The following INPP4B variants were observed in gnomAD, a reference collection of about 807,000 sequenced individuals.
INPP4B encodes the protein inositol polyphosphate 4-phosphatase type II.
In INPP4B, 55 loss-of-function variants were observed where a neutral mutation model predicts 122.5. The observed-to-expected ratio is 0.45, with a 90% CI of 0.36 to 0.56. The LOEUF is 0.56. Ranked by LOEUF, INPP4B falls within the 20% of genes least tolerant of loss-of-function variation. The pLI is 0.00. For synonymous variants in INPP4B, 403 were observed against 388.7 expected (o/e 1.04, Z -0.43); for missense variants, 1,000 against 1,097.7 (o/e 0.91, Z 1.26).
intron 1 of INPP4B, among the ~76,000 whole-genome samples, chr4:142,819,435 A>G (rs191611208): frequency 2.6e-5 from 4 of 152,280 alleles, no homozygotes; most frequent in African/African-American, 9.6e-5. Flanking sequence ...GAAACTGAGC[A>G]CACAAAATGG....
chr4:142,338,037 T>C (rs1777442070), intron 7 of INPP4B, among the ~76,000 whole-genome samples: 1 of 152,074 alleles, frequency 6.6e-6, no homozygotes, highest in African/African-American at 2.4e-5. Context: ...CACTTACATA[T>C]CTGATTTCAA....
At chr4:142,554,200 A>G (rs200694375) in intron 2 of INPP4B, among the ~76,000 whole-genome samples, 7 of 137,916 alleles carry the variant, frequency 5.1e-5, no homozygotes, top group African/African-American at 8.2e-5. Context: ...AAAAAAAAAA[A>G]AAAAAGAAAA....
intron 7 of INPP4B, chr4:142,384,247 A>G (rs1795182599): frequency 1.6e-6 from 1 of 637,866 alleles, no homozygotes; most frequent in African/African-American, 1.8e-5. Context: ...TCAATTAGTT[A>G]GTAACAACTT....
At chr4:142,232,373 A>G (rs1579373900) in intron 12 of INPP4B, among the ~76,000 whole-genome samples, 1 of 152,220 alleles carries the variant, frequency 6.6e-6, no homozygotes, top group South Asian at 2.1e-4. Context: ...CACATTTTAG[A>G]ACTGTTGCAA....
rs1023756704 is a variant in INPP4B at position 142,256,539 on chromosome 4, C to T, written c.688+3953G>A. ...AAAGGGGATATCACCACCGATCCCA[C>T]AGAAATACAAACTACCATCAGAGAA... On this transcript the variant is annotated intron_variant, in intron 11 of 25. Coordinates refer to ENST00000262992, the MANE Select transcript of INPP4B (RefSeq NM_001101669.3). Among the ~76,000 whole-genome samples the T allele has an allele frequency of 1.1e-4, 17 of 152,262 alleles. No individual in the cohort carries two copies. The East Asian group carries it at 2.1e-3, about 19-fold the overall frequency.
chr4:142,374,149 C>T (rs188283865), intron 7 of INPP4B, among the ~76,000 whole-genome samples: 66 of 151,974 alleles, frequency 4.3e-4, no homozygotes, highest in African/African-American at 9.6e-5. Flanking sequence ...AACCACCCTA[C>T]GTAATACACA....
At chr4:142,624,548 G>A (rs139379912) in intron 2 of INPP4B, among the ~76,000 whole-genome samples, 67 of 152,046 alleles carry the variant, frequency 4.4e-4, no homozygotes, top group Admixed American at 1.4e-3. Flanking sequence ...TTCTATCAGA[G>A]GTACAAGAAG....
intron 2 of INPP4B, among the ~76,000 whole-genome samples, chr4:142,533,260 G>A (rs138343370): frequency 1.1e-4 from 16 of 152,124 alleles, no homozygotes; most frequent in African/African-American, 3.4e-4. Context: ...TGTAGCAATC[G>A]CAAAGCTCTA....
intron 2 of INPP4B, among the ~76,000 whole-genome samples, chr4:142,556,282 C>T (rs1729145772): frequency 6.6e-6 from 1 of 152,118 alleles, no homozygotes; most frequent in Non-Finnish European, 1.5e-5. Context: ...CACTGTGTTC[C>T]CACTGTCACC....
At chr4:142,749,134 G>T (rs1354471147) in intron 1 of INPP4B, among the ~76,000 whole-genome samples, 1 of 147,666 alleles carries the variant, frequency 6.8e-6, no homozygotes, top group Non-Finnish European at 1.5e-5. Flanking sequence ...ACAAGACTCT[G>T]TCTCAAATAT....
In INPP4B at chr4:142,225,211, G is replaced by A. The variant is rs1450189464; in HGVS notation, c.836+12653C>T. On this transcript the variant is annotated intron_variant, in intron 12 of 25. Coordinates refer to ENST00000262992, the MANE Select transcript of INPP4B (RefSeq NM_001101669.3). ...CCTTCATCTTTCTTCCATGCTGGAT[G>A]TTTCCTGCTCTCGAACATCAGACTT... Among the ~76,000 whole-genome samples, 4 of 152,280 alleles carry A rather than the reference G, an allele frequency of 2.6e-5. No individual in the cohort carries two copies. In the East Asian group the frequency reaches 7.7e-4, roughly 29 times the overall value.
At chr4:142,163,924 T>C (rs1196227083) in intron 16 of INPP4B, among the ~76,000 whole-genome samples, 3 of 151,884 alleles carry the variant, frequency 2.0e-5, no homozygotes, top group Non-Finnish European at 4.4e-5. Context: ...AAAGTCTATC[T>C]AAATGTTATC....
chr4:142,546,953 GCT>G (rs1212305711), intron 2 of INPP4B, among the ~76,000 whole-genome samples: 9 of 151,904 alleles, frequency 5.9e-5, no homozygotes, highest in Non-Finnish European at 8.8e-5. Context: ...AATATTTTAT[GCT>G]CTTTTTCAAA....
Position 142,055,410 on chromosome 4 carries a change from C to T in INPP4B, c.2643-26496G>A, listed in dbSNP as rs1215472982. Among the ~76,000 whole-genome samples, 4 of 152,068 alleles carry T rather than the reference C, an allele frequency of 2.6e-5. No individual in the cohort carries two copies. In the East Asian group the frequency reaches 5.8e-4, roughly 22 times the overall value. On this transcript the variant is annotated intron_variant, in intron 25 of 25. Transcript: ENST00000262992. ...AATAAGCTATGGTAAATATAATCAT[C>T]TATCCCCAATTCATAAAGTAAAGCA...
At chr4:142,113,100 CTTGT>C (rs1167974978) in intron 21 of INPP4B, among the ~76,000 whole-genome samples, 4 of 151,854 alleles carry the variant, frequency 2.6e-5, no homozygotes, top group African/African-American at 9.7e-5. Context: ...TTTGGTATGG[CTTGT>C]TTGTTATCAC....
At chr4:142,160,675 G>A (rs1819671596) in intron 16 of INPP4B, 114 bp from the exon 17 acceptor site, 1 of 651,746 alleles carries the variant, frequency 1.5e-6, no homozygotes, top group East Asian at 2.8e-5. Flanking sequence ...GGTGGAAAAA[G>A]TACAGACGCC....
chr4:142,815,583 T>G (rs746465039), intron 1 of INPP4B, among the ~76,000 whole-genome samples: 9 of 152,154 alleles, frequency 5.9e-5, no homozygotes, highest in Non-Finnish European at 1.3e-4. Context: ...TAAGCTGTGA[T>G]GAAAAAATCA....
At chr4:142,122,577 G>C (rs904994745) in intron 20 of INPP4B, among the ~76,000 whole-genome samples, 1 of 152,076 alleles carries the variant, frequency 6.6e-6, no homozygotes, top group African/African-American at 2.4e-5. Flanking sequence ...AGAAATAACA[G>C]AGGTAGCTGA....
At chr4:142,150,446 G>C (rs1218116072) in intron 17 of INPP4B, among the ~76,000 whole-genome samples, 2 of 152,174 alleles carry the variant, frequency 1.3e-5, no homozygotes, top group Admixed American at 1.3e-4. Flanking sequence ...ACTGTATGAA[G>C]GAAGTAATGG....
Sources: allele counts gnomAD v4.1 joint callset (sites outside exome capture counted in the v4.1 genomes callset), GRCh38; gene constraint gnomAD v4.1.1; transcripts MANE v1.5; gene names NCBI Gene and HGNC (gene_info 2026-07-23, HGNC 2026-07-21).